MGRN1: variants seen among roughly 807,000 people sequenced by gnomAD.
The protein encoded by MGRN1 is mahogunin ring finger 1, also known as E3 ubiquitin-protein ligase MGRN1.
A neutral mutation model predicts 69.2 loss-of-function variants in MGRN1; 29 were observed. That is an observed-to-expected ratio of 0.42 (90% confidence interval 0.31 to 0.57). The LOEUF (loss-of-function observed/expected upper bound fraction) is 0.57. MGRN1 is among the 20% of genes least tolerant of loss of function. The pLI, the probability that MGRN1 is intolerant of heterozygous loss-of-function variation, is 0.15. For missense variants in MGRN1, 998 were observed against 796.2 expected, an observed-to-expected ratio of 1.25 and a Z score of -3.05; for synonymous variants, 470 against 344.2, an observed-to-expected ratio of 1.37 and a Z score of -4.04.
At chr16:4,668,123 C>T (rs973901955) in intron 7 of MGRN1, 142 bp from the exon 8 acceptor site, 18 of 649,582 alleles carry the variant, frequency 2.8e-5, no homozygotes, top group Admixed American at 1.5e-4. Context: ...GTGGCCCCAC[C>T]CTTTTTTTTT....
intron 1 of MGRN1, among the ~76,000 whole-genome samples, chr16:4,646,742 C>T (rs2078282766): frequency 1.3e-5 from 2 of 152,326 alleles, no homozygotes; most frequent in East Asian, 3.9e-4. Context: ...GTGAGATGCG[C>T]TGGGGGCCCT....
chr16:4,687,073 G>C (rs2079339727), intron 16 of MGRN1: 1 of 985,424 alleles, frequency 1.0e-6, no homozygotes, highest in South Asian at 4.7e-5. Context: ...CCATGGGCCT[G>C]GCACACAGTC....
intron 7 of MGRN1, 142 bp from the exon 8 acceptor site, chr16:4,668,123 C>G (rs973901955): frequency 9.2e-6 from 6 of 649,580 alleles, no homozygotes; most frequent in African/African-American, 3.8e-5. Flanking sequence ...GTGGCCCCAC[C>G]CTTTTTTTTT....
intron 10 of MGRN1, 60 bp from the exon 11 acceptor site, chr16:4,677,403 G>C: frequency 1.5e-6 from 2 of 1,365,408 alleles, no homozygotes; most frequent in Non-Finnish European, 1.9e-6. Flanking sequence ...GGGGCTGGGA[G>C]GGTCCCCTCG....
intron 7 of MGRN1, among the ~76,000 whole-genome samples, chr16:4,667,720 C>G (rs1443383466): frequency 6.6e-6 from 1 of 152,236 alleles, no homozygotes; most frequent in African/African-American, 2.4e-5. Context: ...TTGTTGAACT[C>G]TGAGCGGTGG....
chr16:4,657,224 G>A (rs1042226320), intron 4 of MGRN1, 22 bp from the exon 5 acceptor site: 21 of 1,608,086 alleles, frequency 1.3e-5, no homozygotes, highest in Non-Finnish European at 1.6e-5. Flanking sequence ...CAGCCTCACT[G>A]CTTGCTCCTG....
intron 13 of MGRN1, among the ~76,000 whole-genome samples, chr16:4,682,304 G>A (rs1261803237): frequency 6.6e-6 from 1 of 152,230 alleles, no homozygotes; most frequent in Non-Finnish European, 1.5e-5. Context: ...CCTTCGGAGG[G>A]CCTGGCTCCT....
chr16:4,640,993 C>G (rs2078144317), intron 1 of MGRN1, among the ~76,000 whole-genome samples: 1 of 152,240 alleles, frequency 6.6e-6, no homozygotes, highest in Admixed American at 6.5e-5. Context: ...GGTGAAGGCG[C>G]TGACCTCAGC....
intron 5 of MGRN1, among the ~76,000 whole-genome samples, chr16:4,663,354 C>CA (rs1392142975): frequency 9.6e-5 from 14 of 145,680 alleles, no homozygotes; most frequent in Non-Finnish European, 4.5e-5. Flanking sequence ...GGAGCCACGG[C>CA]ACCTGGCCTT....
intron 8 of MGRN1, chr16:4,671,176 G>T: frequency 1.7e-6 from 1 of 586,456 alleles, no homozygotes; most frequent in Non-Finnish European, 3.0e-6. Context: ...GTAGTGGGGA[G>T]AGCCACCGGC....
chr16:4,668,146 C>G (rs878975687), intron 7 of MGRN1, 119 bp from the exon 8 acceptor site: 118 of 434,838 alleles, frequency 2.7e-4, no homozygotes, highest in Non-Finnish European at 2.3e-4. Context: ...TTTCTTTTTT[C>G]TTTTTCCAGC....
intron 1 of MGRN1, among the ~76,000 whole-genome samples, chr16:4,628,132 A>T (rs1897789195): frequency 6.6e-6 from 1 of 150,670 alleles, no homozygotes; most frequent in South Asian, 2.1e-4. Context: ...CACGCCTGTA[A>T]TCCCAGCACT....
chr16:4,624,903 G>T lies in MGRN1; in HGVS notation c.-58G>T. The T allele has an allele frequency of 7.0e-7, 1 of 1,436,272 alleles. No individual in the cohort carries two copies. Among genetic ancestry groups the T allele is most frequent in the Non-Finnish European group, 9.3e-7 (1 of 1,074,294 alleles). The allele number at this position is 1,436,272 out of a possible 1,614,324, so 89.0% of individuals were successfully genotyped here. ...CGGGCCATGTCCGCGTGAGGACCCCGCCGCTGTCGCCGCTCCCGTTCCGGC... is the reference window on the plus strand; with the variant it reads ...CGGGCCATGTCCGCGTGAGGACCCCTCCGCTGTCGCCGCTCCCGTTCCGGC... On this transcript the variant is annotated 5_prime_UTR_variant, in exon 1 of 17. Transcript: ENST00000262370.
Position 4,680,107 on chromosome 16 carries a change from T to TGGGG in MGRN1, c.1131+12_1131+13insGGGG. The TGGGG allele has an allele frequency of 6.2e-7, 1 of 1,613,560 alleles. No homozygotes were observed. Among genetic ancestry groups the TGGGG allele is most frequent in the Non-Finnish European group, 8.5e-7 (1 of 1,179,650 alleles). On this transcript the variant is annotated intron_variant, in intron 12 of 16. Transcript: ENST00000262370. ...ACCTAAAAGGGAAACAGTAAGTGTC[T>TGGGG]GGTCCTCCGGCTACGTTTTTTTGCC...
At position 4,689,220 on chromosome 16, in the gene MGRN1, C is replaced by G; in HGVS notation, c.*312C>G. The G allele has an allele frequency of 3.2e-6, 1 of 311,760 alleles. No homozygotes were observed. Among genetic ancestry groups the G allele is most frequent in the Admixed American group, 4.8e-5 (1 of 20,902 alleles). The allele number at this position is 311,760 out of a possible 1,614,324, so 19.3% of individuals were successfully genotyped here. A position where few individuals can be genotyped will look rare whatever the true frequency, so the allele number is the denominator to read the frequency against. ...GCTGGGGCTGCCCACGTGTGGCCTC[C>G]GCTGGCTCTGCCTGCTCCTGCAACA... On this transcript the variant is annotated 3_prime_UTR_variant, in exon 17 of 17. Coordinates refer to ENST00000262370, the MANE Select transcript of MGRN1 (RefSeq NM_015246.4).
In MGRN1 at chr16:4,673,647, C is replaced by T; in HGVS notation, c.945C>T (p.Ile315=). ...GCTACCAGGCCAACAACTGCCCCAT[C>T]TGCCGGCTGCGTGAGTTCCCCGGCC... ...TLRYQANNCP[I]CRLPFRALLQ... is the part of the protein sequence containing the mutation. Residue 315 remains isoleucine, a synonymous_variant, in exon 10 of 17, where the codon ATC becomes ATT. Coordinates refer to ENST00000262370, the MANE Select transcript of MGRN1 (RefSeq NM_015246.4). 1.2e-6 allele frequency: 2 copies of T among 1,613,064 alleles called. No individual in the cohort carries two copies. The highest frequency in any genetic ancestry group is 8.5e-7 in the Non-Finnish European group (1 of 1,179,752).
chr16:4,686,533 A>G lies in MGRN1; in HGVS notation c.1619-2263A>G, dbSNP rs1024029258. The G allele has an allele frequency of 8.7e-6, 12 of 1,372,268 alleles. No homozygotes were observed. In the Admixed American group the frequency reaches 3.6e-4, roughly 41 times the overall value. 85.0% of individuals were successfully genotyped at this position (1,372,268 alleles called of 1,614,324 possible). On this transcript the variant is annotated intron_variant, in intron 16 of 16. Coordinates refer to ENST00000262370, the MANE Select transcript of MGRN1 (RefSeq NM_015246.4). Reference sequence around the variant, plus strand: ...GACTTTCGGGGCCAGAGGTCTCTCCATCTGGACTAGGCGGCCGGTCAGGCT... The same window carrying G: ...GACTTTCGGGGCCAGAGGTCTCTCCGTCTGGACTAGGCGGCCGGTCAGGCT...
chr16:4,668,158 G>A (rs1417247869), intron 7 of MGRN1, 107 bp from the exon 8 acceptor site: 1 of 652,020 alleles, frequency 1.5e-6, no homozygotes, highest in East Asian at 2.9e-5. Context: ...TTTTCCAGCT[G>A]TGGGCATGGA....
At chr16:4,668,765 C>T (rs2078869573) in intron 8 of MGRN1, among the ~76,000 whole-genome samples, 1 of 151,332 alleles carries the variant, frequency 6.6e-6, no homozygotes, top group African/African-American at 2.4e-5. Flanking sequence ...TACCCATTCA[C>T]ACACACATAG....
Sources: gnomAD v4.1 joint callset for allele counts (sites outside exome capture counted in the v4.1 genomes callset) on GRCh38, gnomAD v4.1.1 for gene constraint, MANE v1.5 for transcripts, NCBI Gene and HGNC (gene_info 2026-07-23, HGNC 2026-07-21) for gene names.